TASP1: variants seen among roughly 807,000 people sequenced by gnomAD.
TASP1 encodes threonine aspartase 1.
In TASP1, 16 loss-of-function variants were observed where a neutral mutation model predicts 56.6. That is an observed-to-expected ratio of 0.28 (90% CI 0.19 to 0.43). The LOEUF (loss-of-function observed/expected upper bound fraction) is 0.43. Ranked by LOEUF, TASP1 falls within the 20% of genes least tolerant of loss-of-function variation. The pLI is 1.00. For synonymous variants in TASP1, 179 were observed against 184.2 expected (o/e 0.97, Z 0.23); for missense variants, 393 against 511.6 (o/e 0.77, Z 2.24).
At position 13,390,342 on chromosome 20, in the gene TASP1, C is replaced by T. The variant is rs772607279; in HGVS notation, c.*18G>A. The T allele has an allele frequency of 5.3e-5, 85 of 1,612,126 alleles. 1 individual carries two copies. The Middle Eastern group carries it at 9.9e-4, about 19-fold the overall frequency. On this transcript the variant is annotated 3_prime_UTR_variant, in exon 14 of 14. Coordinates refer to ENST00000337743, the MANE Select transcript of TASP1 (RefSeq NM_017714.3). ...GTTCTGAAATGCCTCTGAGACGCTT[C>T]ACACTCAGCCTGAAGGGTCAGTTCA...
At chr20:13,290,574 G>T in the TASP1 span, among the ~76,000 whole-genome samples, 3 of 152,104 alleles carry the variant, frequency 2.0e-5, no homozygotes, top group African/African-American at 7.2e-5. Context: ...GCAGGAACCC[G>T]GGAGGCGGAG....
intron 13 of TASP1, chr20:13,392,900 T>C (rs2041345502): frequency 1.5e-6 from 1 of 650,192 alleles, no homozygotes; most frequent in Non-Finnish European, 2.9e-6. Context: ...CCCATCAGCA[T>C]CTTTCAGGAG....
At chr20:13,354,911 C>T in the TASP1 span, among the ~76,000 whole-genome samples, 3 of 152,134 alleles carry the variant, frequency 2.0e-5, no homozygotes, top group Non-Finnish European at 4.4e-5. Flanking sequence ...TCAAAAACTG[C>T]AGCTGAAAAA....
At chr20:13,468,336 C>T (rs1426527873) in intron 11 of TASP1, among the ~76,000 whole-genome samples, 2 of 151,208 alleles carry the variant, frequency 1.3e-5, no homozygotes, top group African/African-American at 2.4e-5. Context: ...ACATAAGCTG[C>T]TCCCTGTTGA....
the TASP1 span, among the ~76,000 whole-genome samples, chr20:13,225,852 A>G: frequency 6.6e-6 from 1 of 152,296 alleles, no homozygotes; most frequent in Non-Finnish European, 1.5e-5. Context: ...TATTTAATTA[A>G]TGTTAATGAT....
the TASP1 span, among the ~76,000 whole-genome samples, chr20:13,151,489 C>T: frequency 6.6e-6 from 1 of 152,214 alleles, no homozygotes; most frequent in Non-Finnish European, 1.5e-5. Context: ...CCATCACAAC[C>T]TGCCTGCTGG....
chr20:13,451,732 T>A (rs950397766), intron 11 of TASP1, among the ~76,000 whole-genome samples: 1 of 152,114 alleles, frequency 6.6e-6, no homozygotes, highest in Non-Finnish European at 1.5e-5. Flanking sequence ...ATCTGTGTGT[T>A]CACTAGAGTA....
chr20:13,492,149 C>A (rs1355914607), intron 10 of TASP1, among the ~76,000 whole-genome samples: 1 of 152,150 alleles, frequency 6.6e-6, no homozygotes, highest in African/African-American at 2.4e-5. Context: ...ACATTCAGTA[C>A]CCCTGGCACA....
At chr20:13,528,575 C>A (rs532671589) in intron 9 of TASP1, 64 bp from the exon 10 acceptor site, 1 of 1,383,614 alleles carries the variant, frequency 7.2e-7, no homozygotes, top group African/African-American at 1.5e-5. Context: ...TAGTTTTCAA[C>A]AGAAATCATA....
rs143492353 is a variant in TASP1 at position 13,462,639 on chromosome 20, T to C, written c.985+20588A>G. ...ACATTCCTGTTCTCAAAACTTTAAATTGAATTTCTACATACTAACAGTGAA... is the reference window on the plus strand; with the variant it reads ...ACATTCCTGTTCTCAAAACTTTAAACTGAATTTCTACATACTAACAGTGAA... On this transcript the variant is annotated intron_variant, in intron 11 of 13. Coordinates refer to ENST00000337743, the MANE Select transcript of TASP1 (RefSeq NM_017714.3). Among the ~76,000 whole-genome samples the C allele has an allele frequency of 6.6e-5, 10 of 152,270 alleles. No homozygotes were observed. The East Asian group carries it at 1.9e-3, about 29-fold the overall frequency.
At chr20:13,280,395 C>G in the TASP1 span, among the ~76,000 whole-genome samples, 4 of 141,590 alleles carry the variant, frequency 2.8e-5, no homozygotes, top group Admixed American at 6.9e-5. Context: ...AAAGTAACCC[C>G]CCCCCCCCAA....
chr20:13,200,220 G>C, the TASP1 span, among the ~76,000 whole-genome samples: 1 of 152,168 alleles, frequency 6.6e-6, no homozygotes, highest in Admixed American at 6.5e-5. Flanking sequence ...ATGTGAAATT[G>C]TCAATGCCAA....
chr20:13,279,017 T>G, the TASP1 span, among the ~76,000 whole-genome samples: 2 of 152,166 alleles, frequency 1.3e-5, no homozygotes, highest in Non-Finnish European at 2.9e-5. Context: ...TCCTACCCAT[T>G]CTGCTGGACA....
At chr20:13,618,421 CA>C (rs1030432411) in intron 4 of TASP1, among the ~76,000 whole-genome samples, 9 of 150,602 alleles carry the variant, frequency 6.0e-5, no homozygotes, top group African/African-American at 9.8e-5. Flanking sequence ...TGAACAACAG[CA>C]AAAAAAATGT....
At chr20:13,407,553 T>C (rs1355389964) in intron 13 of TASP1, among the ~76,000 whole-genome samples, 1 of 152,226 alleles carries the variant, frequency 6.6e-6, no homozygotes, top group Admixed American at 6.5e-5. Flanking sequence ...GCACAAGTTT[T>C]CATGTGGACC....
At chr20:13,133,552 G>A in the TASP1 span, among the ~76,000 whole-genome samples, 1 of 152,128 alleles carries the variant, frequency 6.6e-6, no homozygotes. Flanking sequence ...TGGCCAACAA[G>A]GCAAAACCCC....
the TASP1 span, among the ~76,000 whole-genome samples, chr20:13,271,913 G>A: frequency 6.6e-6 from 1 of 152,112 alleles, no homozygotes; most frequent in Non-Finnish European, 1.5e-5. Flanking sequence ...CGAGTAGCTG[G>A]AACTTCAAGT....
chr20:13,196,027 T>C, the TASP1 span, among the ~76,000 whole-genome samples: 1 of 152,190 alleles, frequency 6.6e-6, no homozygotes, highest in African/African-American at 2.4e-5. Flanking sequence ...AACCTACAAT[T>C]AGTATATTTA....
intron 4 of TASP1, among the ~76,000 whole-genome samples, chr20:13,617,788 C>T (rs547069521): frequency 6.6e-6 from 1 of 152,212 alleles, no homozygotes; most frequent in South Asian, 2.1e-4. Flanking sequence ...CATCTGCTCA[C>T]AAGAAAACTT....
Sources: gnomAD v4.1 joint callset for allele counts (sites outside exome capture counted in the v4.1 genomes callset) on GRCh38, gnomAD v4.1.1 for gene constraint, MANE v1.5 for transcripts, NCBI Gene and HGNC (gene_info 2026-07-23, HGNC 2026-07-21) for gene names.